CFAP20DC: variants seen among roughly 807,000 people sequenced by gnomAD.
The protein encoded by CFAP20DC is CFAP20 domain containing, also known as protein CFAP20DC.
In CFAP20DC, 84 loss-of-function variants were observed where a neutral mutation model predicts 101.7. That is an observed-to-expected ratio of 0.83 (90% CI 0.69 to 0.99). The LOEUF is 0.99. Among genes scored for constraint, CFAP20DC ranks in the 50% least tolerant of loss-of-function variants. The pLI, the probability that CFAP20DC is intolerant of heterozygous loss-of-function variation, is 0.00. For missense variants in CFAP20DC, 1,007 were observed against 970.3 expected (o/e 1.04, Z -0.50); for synonymous variants, 359 against 351.2 (o/e 1.02, Z -0.25).
chr3:58,814,410 G>C (rs909008000), intron 14 of CFAP20DC, among the ~76,000 whole-genome samples: 14 of 151,370 alleles, frequency 9.2e-5, no homozygotes, highest in Non-Finnish European at 1.5e-4. Context: ...ATACTGAATG[G>C]GCAAAAACTG....
At chr3:58,791,401 G>A (rs1440571354) in intron 15 of CFAP20DC, among the ~76,000 whole-genome samples, 2 of 152,048 alleles carry the variant, frequency 1.3e-5, no homozygotes, top group Non-Finnish European at 2.9e-5. Flanking sequence ...GGCTTGGAGA[G>A]GTTAACTAAT....
At chr3:58,815,439 T>C (rs1423587999) in intron 14 of CFAP20DC, among the ~76,000 whole-genome samples, 2 of 148,114 alleles carry the variant, frequency 1.4e-5, no homozygotes, top group East Asian at 2.0e-4. Context: ...ATTCAGGACA[T>C]AGGCATGGGC....
At chr3:58,809,288 C>T (rs530400335) in intron 14 of CFAP20DC, among the ~76,000 whole-genome samples, 1 of 152,016 alleles carries the variant, frequency 6.6e-6, no homozygotes, top group Non-Finnish European at 1.5e-5. Context: ...CCAAAATTGA[C>T]CCCATACTGG....
intron 5 of CFAP20DC, among the ~76,000 whole-genome samples, chr3:58,931,480 C>T (rs1048156368): frequency 2.6e-5 from 4 of 152,152 alleles, no homozygotes; most frequent in African/African-American, 4.8e-5. Context: ...TCAAGTGGGT[C>T]CCTGACCCCT....
intron 6 of CFAP20DC, chr3:58,887,291 T>A (rs1439519064): frequency 6.6e-6 from 1 of 152,232 alleles, no homozygotes; most frequent in African/African-American, 2.4e-5. Flanking sequence ...TCAGATATAT[T>A]TGACATATAC....
chr3:58,949,127 G>C (rs1053509504), intron 4 of CFAP20DC, among the ~76,000 whole-genome samples: 1 of 152,132 alleles, frequency 6.6e-6, no homozygotes, highest in African/African-American at 2.4e-5. Flanking sequence ...TGTGGGATTG[G>C]TGGTGATATC....
chr3:58,793,307 C>A (rs528294501), intron 15 of CFAP20DC, among the ~76,000 whole-genome samples: 36 of 152,268 alleles, frequency 2.4e-4, no homozygotes, highest in African/African-American at 8.4e-4. Context: ...ATAATATCTT[C>A]ATTTACTGTA....
intron 3 of CFAP20DC, among the ~76,000 whole-genome samples, chr3:58,720,685 A>G (rs946287689): frequency 6.6e-6 from 1 of 152,180 alleles, no homozygotes; most frequent in African/African-American, 2.4e-5. Context: ...TCGGACTATA[A>G]TCTCACTATA....
chr3:58,820,153 A>G (rs1470176303), intron 14 of CFAP20DC, among the ~76,000 whole-genome samples: 1 of 152,104 alleles, frequency 6.6e-6, no homozygotes, highest in Non-Finnish European at 1.5e-5. Context: ...CAAAATAATA[A>G]GAGCTATCTA....
chr3:58,858,922 C>T (rs2079039383), intron 12 of CFAP20DC, among the ~76,000 whole-genome samples: 3 of 152,066 alleles, frequency 2.0e-5, no homozygotes, highest in Admixed American at 2.0e-4. Context: ...AAAGACAGTC[C>T]TAACAGAATG....
At chr3:58,956,918 T>C (rs2090683439) in intron 4 of CFAP20DC, among the ~76,000 whole-genome samples, 1 of 152,156 alleles carries the variant, frequency 6.6e-6, no homozygotes, top group Non-Finnish European at 1.5e-5. Context: ...CACGAGAATA[T>C]GATGGGGGAA....
At chr3:58,940,401 C>T (rs2088371230) in intron 4 of CFAP20DC, among the ~76,000 whole-genome samples, 1 of 152,236 alleles carries the variant, frequency 6.6e-6, no homozygotes, top group South Asian at 2.1e-4. Flanking sequence ...TTTCCTTCTA[C>T]ATCTTTATAG....
At chr3:58,804,176 C>T (rs1204215661) in intron 15 of CFAP20DC, among the ~76,000 whole-genome samples, 2 of 152,134 alleles carry the variant, frequency 1.3e-5, no homozygotes, top group African/African-American at 4.8e-5. Flanking sequence ...CAACTCCTTT[C>T]TTTTACACAT....
At position 58,814,560 on chromosome 3, in the gene CFAP20DC, T is replaced by A. The variant is rs60609020; in HGVS notation, c.2176-8104A>T. On this transcript the variant is annotated intron_variant, in intron 14 of 16. Transcript: ENST00000482387. ...GGTATTCAATTAGGAAAAGAGGAAG[T>A]CAAATTGTCTCTGTTTGCAGATGAC... 2.1e-3 allele frequency among the ~76,000 whole-genome samples: 319 copies of A among 151,390 alleles called. 5 individuals are homozygous for A. The highest frequency in any genetic ancestry group is 7.3e-3 in the African/African-American group (297 of 40,850).
intron 13 of CFAP20DC, among the ~76,000 whole-genome samples, chr3:58,842,254 C>T (rs1419338695): frequency 4.6e-5 from 7 of 152,014 alleles, no homozygotes; most frequent in East Asian, 1.9e-4. Flanking sequence ...TCTGAGGTAC[C>T]GGGTTCATCT....
chr3:58,995,788 A>G (rs1442391989), intron 4 of CFAP20DC, among the ~76,000 whole-genome samples: 1 of 152,184 alleles, frequency 6.6e-6, no homozygotes, highest in Non-Finnish European at 1.5e-5. Context: ...TTTAGTTGGA[A>G]CATAGGTCTT....
At chr3:58,862,535 C>T in intron 12 of CFAP20DC, 5 of 985,388 alleles carry the variant, frequency 5.1e-6, no homozygotes, top group Non-Finnish European at 6.0e-6. Flanking sequence ...ACGCGCTTTG[C>T]TGAAGAAACT....
At chr3:58,790,540 G>T (rs999485553) in intron 15 of CFAP20DC, among the ~76,000 whole-genome samples, 2 of 152,192 alleles carry the variant, frequency 1.3e-5, no homozygotes, top group African/African-American at 2.4e-5. Context: ...AGAAGGAGAG[G>T]AGTAGTGGTG....
At chr3:58,848,566 T>G (rs563152739) in intron 13 of CFAP20DC, among the ~76,000 whole-genome samples, 2 of 152,298 alleles carry the variant, frequency 1.3e-5, no homozygotes, top group South Asian at 4.2e-4. Context: ...TCGATGACAC[T>G]GTTTTAATGT....
Sources: allele counts gnomAD v4.1 joint callset (sites outside exome capture counted in the v4.1 genomes callset), GRCh38; gene constraint gnomAD v4.1.1; transcripts MANE v1.5; gene names NCBI Gene and HGNC (gene_info 2026-07-23, HGNC 2026-07-21).